SLC41A3: variants seen among roughly 807,000 people sequenced by gnomAD.
SLC41A3 encodes the protein SLC41A1-like 2.
Under a neutral mutation model 45.4 loss-of-function variants are expected in SLC41A3, and 44 were observed. The ratio of observed to expected loss-of-function variants is 0.97; its 90% CI spans 0.76 to 1.25. SLC41A3 has a LOEUF of 1.25. Ranked by LOEUF, SLC41A3 falls within the 50% of genes most tolerant of loss-of-function variation. SLC41A3 has a pLI of 0.00. For missense variants in SLC41A3, 550 were observed against 600.6 expected (o/e 0.92, Z 0.88); for synonymous variants, 256 against 252.4 (o/e 1.01, Z -0.13).
Position 126,026,517 on chromosome 3 carries a change from G to A in SLC41A3, c.454-38C>T, listed in dbSNP as rs775122293. On this transcript the variant is annotated intron_variant, in intron 4 of 10. Transcript: ENST00000360370. This position sits in a 1 kb window ranked among gnomAD's most constrained non-coding sequence, Gnocchi z 4.2. The stretch of plus-strand genomic sequence containing the variant: ...AATCAGAAGCATGAAGGGGGGCCCC[G>A]GGGCCACAGCCACACTCCCTGCCCT... The A allele has an allele frequency of 1.0e-5, 16 of 1,586,936 alleles. No homozygotes were observed. Among genetic ancestry groups the A allele is most frequent in the Middle Eastern group, 3.3e-4 (2 of 6,044 alleles).
In SLC41A3 at chr3:126,052,954, G is replaced by A. The variant is rs555622581; in HGVS notation, c.274-1904C>T. The stretch of plus-strand genomic sequence containing the variant: ...GGGCTTTCAGCAGGAAGCCTGGGCG[G>A]AAGACGGCGGGGGAAGCTGAATCCT... On this transcript the variant is annotated intron_variant, in intron 2 of 10. Coordinates refer to ENST00000360370, the MANE Select transcript of SLC41A3 (RefSeq NM_017836.4). 2.2e-3 allele frequency among the ~76,000 whole-genome samples: 337 copies of A among 152,344 alleles called. 2 individuals carry two copies. Among genetic ancestry groups the A allele is most frequent in the Middle Eastern group, 0.01 (3 of 294 alleles).
chr3:126,064,534 G>C (rs1944253227), intron 2 of SLC41A3, among the ~76,000 whole-genome samples: 1 of 152,044 alleles, frequency 6.6e-6, no homozygotes, highest in Non-Finnish European at 1.5e-5. Flanking sequence ...GGTGTTGAGT[G>C]TCCACCATCC....
intron 1 of SLC41A3, among the ~76,000 whole-genome samples, chr3:126,092,179 C>T (rs2365015): frequency 0.61 from 92,724 of 152,122 alleles, 28,715 homozygotes; most frequent in African/African-American, 0.71. Context: ...CTGTGACATG[C>T]TTTTGATGGC....
At chr3:126,100,613 T>C (rs1945689952) in intron 1 of SLC41A3, among the ~76,000 whole-genome samples, 1 of 152,242 alleles carries the variant, frequency 6.6e-6, no homozygotes, top group Non-Finnish European at 1.5e-5. Context: ...AGTCATTATA[T>C]TATAAAACAT....
At position 126,033,680 on chromosome 3, in the gene SLC41A3, T is replaced by A. The variant is rs1340387356; in HGVS notation, c.382-2A>T. On this transcript the variant is annotated splice_acceptor_variant, in intron 3 of 10. Transcript: ENST00000360370. LOFTEE classifies it high-confidence loss of function. ...GTCATCAATTTGTCCAGTGTTGGCC[T>A]AGAATGAAGAGAAAAGGACAAAGGT... 6.2e-7 allele frequency: 1 copy of A among 1,612,158 alleles called. No homozygotes were observed. The highest frequency in any genetic ancestry group is 8.5e-7 in the Non-Finnish European group (1 of 1,179,574).
intron 2 of SLC41A3, among the ~76,000 whole-genome samples, chr3:126,060,763 T>C (rs887439455): frequency 1.3e-5 from 2 of 152,208 alleles, no homozygotes; most frequent in Non-Finnish European, 2.9e-5. Flanking sequence ...TCAAAGAGCT[T>C]GAACTAGATT....
At chr3:126,039,755 T>C (rs1349513746) in intron 3 of SLC41A3, among the ~76,000 whole-genome samples, 1 of 152,236 alleles carries the variant, frequency 6.6e-6, no homozygotes, top group South Asian at 2.1e-4. Context: ...TTAAAAGAGA[T>C]ACTTTGAGGC....
chr3:126,039,435 T>C (rs1942433611), intron 3 of SLC41A3, among the ~76,000 whole-genome samples: 1 of 152,184 alleles, frequency 6.6e-6, no homozygotes, highest in Non-Finnish European at 1.5e-5. Context: ...GGCTTCCTCA[T>C]GGTTAAACTG....
chr3:126,077,078 A>G (rs2108069737), intron 1 of SLC41A3, among the ~76,000 whole-genome samples: 1 of 152,194 alleles, frequency 6.6e-6, no homozygotes, highest in South Asian at 2.1e-4. Flanking sequence ...AATTTAGACA[A>G]TACAAAATAA....
intron 3 of SLC41A3, among the ~76,000 whole-genome samples, chr3:126,041,705 T>C (rs187565443): frequency 1.3e-5 from 2 of 152,320 alleles, no homozygotes; most frequent in Non-Finnish European, 2.9e-5. Flanking sequence ...TACTAGAGGA[T>C]GTACTCAATC....
intron 3 of SLC41A3, among the ~76,000 whole-genome samples, chr3:126,037,575 T>C (rs1444072377): frequency 6.6e-6 from 1 of 152,182 alleles, no homozygotes; most frequent in African/African-American, 2.4e-5. Flanking sequence ...TCTTAGGGTA[T>C]CAGGCAGGAG....
intron 1 of SLC41A3, among the ~76,000 whole-genome samples, chr3:126,076,195 A>C (rs1944872142): frequency 6.6e-6 from 1 of 152,266 alleles, no homozygotes; most frequent in Non-Finnish European, 1.5e-5. Context: ...TACAATGGCC[A>C]ATAAGCACAT....
chr3:126,099,857 A>AG (rs1335574874), intron 1 of SLC41A3, among the ~76,000 whole-genome samples: 1 of 152,202 alleles, frequency 6.6e-6, no homozygotes. Flanking sequence ...CACAGCCCTG[A>AG]GCTCTCAGTA....
intron 2 of SLC41A3, among the ~76,000 whole-genome samples, chr3:126,059,006 C>T (rs1245236282): frequency 6.6e-6 from 1 of 151,684 alleles, no homozygotes. Flanking sequence ...AGACAGGTCC[C>T]ACTTTTGCAT....
Position 126,006,944 on chromosome 3 carries a change from G to C in SLC41A3, c.*72C>G. On this transcript the variant is annotated 3_prime_UTR_variant, in exon 11 of 11. Transcript: ENST00000360370. ...CAACCATCCCAAGGACCTGGCAAGG[G>C]AGAAACTGAATTCTGTATCCCACTG... The C allele has an allele frequency of 6.3e-7, 1 of 1,599,342 alleles. No homozygotes were observed. Among genetic ancestry groups the C allele is most frequent in the Non-Finnish European group, 8.5e-7 (1 of 1,171,678 alleles).
At chr3:126,059,421 T>A (rs1284767936) in intron 2 of SLC41A3, among the ~76,000 whole-genome samples, 1 of 151,978 alleles carries the variant, frequency 6.6e-6, no homozygotes, top group Non-Finnish European at 1.5e-5. Context: ...GGAATGCCCG[T>A]AACACTCAGT....
At chr3:126,095,118 T>C (rs908117876) in intron 1 of SLC41A3, 2 of 609,340 alleles carry the variant, frequency 3.3e-6, no homozygotes, top group South Asian at 2.0e-5. Context: ...GGTGGTGAGA[T>C]CCAATAACAA....
chr3:126,079,907 T>C (rs1469403999), intron 1 of SLC41A3, among the ~76,000 whole-genome samples: 2 of 152,086 alleles, frequency 1.3e-5, no homozygotes, highest in Non-Finnish European at 2.9e-5. Context: ...AGAACCTAGA[T>C]ATAAATCCAC....
rs935835884 is a variant in SLC41A3, at chr3:126,056,609, G to A, written c.274-5559C>T. On this transcript the variant is annotated intron_variant, in intron 2 of 10. Coordinates refer to ENST00000360370, the MANE Select transcript of SLC41A3 (RefSeq NM_017836.4). ...CGAAGTCAGAGCCTGGGGTGCTCCA[G>A]TCCTCTCCTCCTGGCCCACACCAGG... The A allele has an allele frequency of 5.7e-5, 89 of 1,564,898 alleles. 1 individual carries two copies. In the South Asian group the frequency reaches 1.0e-3, roughly 18 times the overall value.
Sources: allele counts gnomAD v4.1 joint callset (sites outside exome capture counted in the v4.1 genomes callset), GRCh38; gene constraint gnomAD v4.1.1; non-coding constraint Gnocchi (gnomAD v3.1); transcripts MANE v1.5; gene names NCBI Gene and HGNC (gene_info 2026-07-23, HGNC 2026-07-21).